Variants in FGD3 observed in about 807,000 individuals in gnomAD.
FGD3 encodes the protein FYVE, RhoGEF and PH domain-containing protein 3.
A neutral mutation model predicts 71.8 loss-of-function variants in FGD3; 45 were observed. That is an observed-to-expected ratio of 0.63 (90% CI 0.49 to 0.80). The LOEUF is 0.80. Ranked by LOEUF, FGD3 falls within the 30% of genes least tolerant of loss-of-function variation. The pLI is 0.00. For missense variants in FGD3, 844 were observed against 951.5 expected, an observed-to-expected ratio of 0.89 and a Z score of 1.49; for synonymous variants, 378 against 392.8, an observed-to-expected ratio of 0.96 and a Z score of 0.44.
chr9:92,999,127 C>G (rs368258174), intron 3 of FGD3, among the ~76,000 whole-genome samples: 1 of 152,176 alleles, frequency 6.6e-6, no homozygotes, highest in South Asian at 2.1e-4. Context: ...CCACTCAGTT[C>G]GAGTTTCCCG....
intron 1 of FGD3, among the ~76,000 whole-genome samples, chr9:92,972,452 CAAA>C (rs34573109): frequency 1.6e-5 from 1 of 63,164 alleles, no homozygotes. Flanking sequence ...GACTCCATCT[CAAA>C]AAAAAAAAAA....
intron 10 of FGD3, among the ~76,000 whole-genome samples, chr9:93,017,867 G>A (rs1014051908): frequency 6.6e-6 from 1 of 152,126 alleles, no homozygotes; most frequent in Non-Finnish European, 1.5e-5. Context: ...GTGTCGGGGG[G>A]GTGGGTTTGG....
At chr9:92,971,700 C>T (rs188209267) in intron 1 of FGD3, among the ~76,000 whole-genome samples, 229 of 149,126 alleles carry the variant, frequency 1.5e-3, no homozygotes, top group Middle Eastern at 3.4e-3. Context: ...CTCAGCCTTT[C>T]GAGTAGCTGG....
chr9:93,006,093 T>C lies in FGD3; in HGVS notation c.750T>C (p.Tyr250=), dbSNP rs2118710670. 1 of 1,613,426 alleles carries C rather than the reference T, an allele frequency of 6.2e-7. No individual in the cohort carries two copies. Among genetic ancestry groups the C allele is most frequent in the Non-Finnish European group, 8.5e-7 (1 of 1,179,766 alleles). The change falls in exon 6 of 18, where the codon TAT becomes TAC. Residue 250 remains tyrosine, a synonymous_variant. Transcript: ENST00000375482. ...CATTCCTGAAGATGTACGGCGAGTATGTCAAGAACTTTGACCGAGCCGTAG... is the reference window on the plus strand; with the variant it reads ...CATTCCTGAAGATGTACGGCGAGTACGTCAAGAACTTTGACCGAGCCGTAG... ...LAPFLKMYGE[Y]VKNFDRAVGL... is the part of the protein sequence containing the mutation.
intron 6 of FGD3, among the ~76,000 whole-genome samples, chr9:93,008,501 T>C (rs192574013): frequency 2.0e-5 from 3 of 152,360 alleles, no homozygotes. Context: ...GTTTTTCTGC[T>C]GTTTGTCCAC....
chr9:93,029,119 C>T (rs1303310568), intron 14 of FGD3, among the ~76,000 whole-genome samples: 1 of 145,626 alleles, frequency 6.9e-6, no homozygotes, highest in African/African-American at 2.6e-5. Context: ...CCAACCTCCG[C>T]CTCCTGGGTT....
chr9:93,034,428 T>A lies in FGD3; in HGVS notation c.1786-113T>A, dbSNP rs1433126086. 5 of 1,388,088 alleles carry A rather than the reference T, an allele frequency of 3.6e-6. No homozygotes were observed. The Admixed American group carries it at 1.2e-4, about 34-fold the overall frequency. 86.0% of individuals were successfully genotyped at this position (1,388,088 alleles called of 1,614,324 possible). On this transcript the variant is annotated intron_variant, in intron 16 of 17. Transcript: ENST00000375482. ...AGTCTCTGTGCAGATCTTGGCCATG[T>A]CTCCACAGCCAGCTCCCCCCAAGCA...
intron 10 of FGD3, among the ~76,000 whole-genome samples, chr9:93,017,712 C>T (rs1410226094): frequency 1.3e-5 from 2 of 152,204 alleles, no homozygotes; most frequent in Non-Finnish European, 2.9e-5. Context: ...TGGCTAAGGC[C>T]ATCCTTGCTC....
intron 1 of FGD3, among the ~76,000 whole-genome samples, chr9:92,959,204 G>A (rs976901321): frequency 4.7e-4 from 71 of 152,178 alleles, no homozygotes; most frequent in African/African-American, 1.6e-3. Context: ...CAGGCAATCC[G>A]CCCACCTTGG....
intron 6 of FGD3, 42 bp downstream of exon 6, chr9:93,006,222 A>G: frequency 6.7e-7 from 1 of 1,483,790 alleles, no homozygotes; most frequent in Non-Finnish European, 9.0e-7. Flanking sequence ...TGTTCTCAAG[A>G]TGCACAGAGC....
chr9:92,968,605 TTC>T (rs1859421588), intron 1 of FGD3, among the ~76,000 whole-genome samples: 5 of 87,892 alleles, frequency 5.7e-5, no homozygotes, highest in South Asian at 4.2e-4. Context: ...TTTTCTTTCT[TTC>T]TTTTTTTTTT....
At chr9:93,013,743 T>G (rs1002285491) in intron 8 of FGD3, 109 bp from the exon 9 acceptor site, 19 of 1,402,038 alleles carry the variant, frequency 1.4e-5, no homozygotes, top group Admixed American at 5.9e-5. Context: ...CAGTAGCTCA[T>G]TGCCCTCTCT....
In FGD3 at chr9:93,029,007, T is replaced by G. The variant is rs949996828; in HGVS notation, c.1558-867T>G. ...ACATGTCCTCACAGTTTTTTTTTTT[T>G]TTTTTTTTTTTTTTTTTTTTTTTTT... On this transcript the variant is annotated intron_variant, in intron 14 of 17. Coordinates refer to ENST00000375482, the MANE Select transcript of FGD3 (RefSeq NM_001083536.2). 2.8e-4 allele frequency among the ~76,000 whole-genome samples: 24 copies of G among 84,990 alleles called. No individual in the cohort carries two copies. In the South Asian group the frequency reaches 6.5e-3, roughly 23 times the overall value. 55.8% of individuals were successfully genotyped at this position (84,990 alleles called of 152,430 possible).
intron 1 of FGD3, among the ~76,000 whole-genome samples, chr9:92,951,699 G>A (rs1055766622): frequency 1.3e-5 from 2 of 152,140 alleles, no homozygotes; most frequent in Admixed American, 6.5e-5. Flanking sequence ...ATTAATGAAA[G>A]TTGTGTAGAT....
chr9:92,984,092 TA>T (rs1303030514), intron 3 of FGD3, among the ~76,000 whole-genome samples: 4 of 152,234 alleles, frequency 2.6e-5, no homozygotes, highest in Admixed American at 2.0e-4. Context: ...CTTTCCAGCA[TA>T]GATGAGGGGA....
In FGD3 at chr9:92,999,553, C is replaced by T. The variant is rs1860778735; in HGVS notation, c.454-3372C>T. 2.6e-5 allele frequency among the ~76,000 whole-genome samples: 4 copies of T among 151,122 alleles called. No homozygotes were observed. The South Asian group carries it at 6.3e-4, about 24-fold the overall frequency. The stretch of plus-strand genomic sequence containing the variant: ...AATGCGTCGCTTATGCTGGGAGCTG[C>T]AGACTGGAGCTTTTCCTATTCAGCC... On this transcript the variant is annotated intron_variant, in intron 3 of 17. Coordinates refer to ENST00000375482, the MANE Select transcript of FGD3 (RefSeq NM_001083536.2).
chr9:93,017,863 G>T (rs886162418), intron 10 of FGD3, among the ~76,000 whole-genome samples: 1 of 151,842 alleles, frequency 6.6e-6, no homozygotes, highest in African/African-American at 2.4e-5. Flanking sequence ...CTGGGTGTCG[G>T]GGGGGTGGGT....
intron 5 of FGD3, among the ~76,000 whole-genome samples, chr9:93,005,368 C>T (rs1861012350): frequency 6.6e-6 from 1 of 152,154 alleles, no homozygotes; most frequent in African/African-American, 2.4e-5. Flanking sequence ...ACCTTGTGAT[C>T]TGCCCATCTC....
chr9:93,007,788 G>A lies in FGD3; in HGVS notation c.837+1608G>A, dbSNP rs183023484. ...TACCATCCAGCCATTCCCTGAAGGTGACTTTGCCCCCCGGGGATCCCAGGC... is the reference window on the plus strand; with the variant it reads ...TACCATCCAGCCATTCCCTGAAGGTAACTTTGCCCCCCGGGGATCCCAGGC... On this transcript the variant is annotated intron_variant, in intron 6 of 17. Transcript: ENST00000375482. Among the ~76,000 whole-genome samples the A allele has an allele frequency of 5.9e-5, 9 of 152,336 alleles. No individual in the cohort carries two copies. The East Asian group carries it at 1.7e-3, about 29-fold the overall frequency.
Sources: gnomAD v4.1 joint callset for allele counts (sites outside exome capture counted in the v4.1 genomes callset) on GRCh38, gnomAD v4.1.1 for gene constraint, MANE v1.5 for transcripts, NCBI Gene and HGNC (gene_info 2026-07-23, HGNC 2026-07-21) for gene names.